CERT1: variants seen among roughly 807,000 people sequenced by gnomAD.
CERT1 encodes the protein ceramide transporter 1, also known as ceramide transfer protein.
A neutral mutation model predicts 87.9 loss-of-function variants in CERT1; 31 were observed. The ratio of observed to expected loss-of-function variants is 0.35; its 90% CI spans 0.27 to 0.48. The LOEUF (loss-of-function observed/expected upper bound fraction) is 0.48. Ranked by LOEUF, CERT1 falls within the 20% of genes least tolerant of loss-of-function variation. The pLI, the probability that CERT1 is intolerant of heterozygous loss-of-function variation, is 0.99. For synonymous variants in CERT1, 289 were observed against 250.9 expected, an observed-to-expected ratio of 1.15 and a Z score of -1.44; for missense variants, 487 against 758.0, an observed-to-expected ratio of 0.64 and a Z score of 4.20.
At chr5:75,464,815 C>T (rs1765392372) in intron 2 of CERT1, among the ~76,000 whole-genome samples, 1 of 152,144 alleles carries the variant, frequency 6.6e-6, no homozygotes, top group Non-Finnish European at 1.5e-5. Context: ...TGGACTCACA[C>T]AACCCATCTG....
intron 2 of CERT1, among the ~76,000 whole-genome samples, chr5:75,499,485 C>T (rs563470549): frequency 6.6e-6 from 1 of 152,218 alleles, no homozygotes; most frequent in Admixed American, 6.5e-5. Flanking sequence ...TCTCCTGCCG[C>T]CCTGGGAAGA....
chr5:75,381,801 T>C (rs1022703607), intron 15 of CERT1, 148 bp downstream of exon 15: 16 of 742,298 alleles, frequency 2.2e-5, no homozygotes, highest in African/African-American at 1.8e-4. Flanking sequence ...ACATGGGCTA[T>C]ACTGTTCCTA....
intron 2 of CERT1, among the ~76,000 whole-genome samples, chr5:75,504,751 CT>C (rs558482615): frequency 0.2 from 26,269 of 131,406 alleles, 2,037 homozygotes; most frequent in South Asian, 0.37. Flanking sequence ...TTAGCCAACA[CT>C]TTTTTTTTTT....
intron 2 of CERT1, among the ~76,000 whole-genome samples, chr5:75,469,572 T>C (rs1436548366): frequency 2.0e-5 from 3 of 151,966 alleles, no homozygotes; most frequent in Non-Finnish European, 4.4e-5. Flanking sequence ...GTAAACCTTA[T>C]GGTAATCACA....
intron 7 of CERT1, among the ~76,000 whole-genome samples, chr5:75,412,834 C>T (rs1288709401): frequency 1.3e-5 from 2 of 152,118 alleles, no homozygotes; most frequent in Non-Finnish European, 2.9e-5. Flanking sequence ...AATGTGAAGG[C>T]GTAGGACATT....
chr5:75,477,950 TAC>T (rs1333395184), intron 2 of CERT1, among the ~76,000 whole-genome samples: 2 of 152,142 alleles, frequency 1.3e-5, no homozygotes, highest in Non-Finnish European at 2.9e-5. Context: ...GGCAGATTGA[TAC>T]ATTCATCTTG....
intron 3 of CERT1, among the ~76,000 whole-genome samples, chr5:75,456,785 A>G (rs1280344849): frequency 6.6e-6 from 1 of 152,056 alleles, no homozygotes; most frequent in African/African-American, 2.4e-5. Context: ...CTTAAGTCCC[A>G]CTGCTCTGAG....
At chr5:75,412,586 C>T (rs1299456392) in intron 7 of CERT1, among the ~76,000 whole-genome samples, 11 of 152,116 alleles carry the variant, frequency 7.2e-5, no homozygotes, top group Non-Finnish European at 8.8e-5. Flanking sequence ...CTTATATAAA[C>T]CTAGATGGTA....
intron 2 of CERT1, among the ~76,000 whole-genome samples, chr5:75,503,278 G>GT (rs1351785734): frequency 6.6e-6 from 1 of 151,770 alleles, no homozygotes; most frequent in Non-Finnish European, 1.5e-5. Flanking sequence ...TTCTTTGTAC[G>GT]TGAATATTAT....
At chr5:75,374,462 G>A (rs1362741123), downstream of CERT1, 2 of 718,022 alleles carry the variant, frequency 2.8e-6, no homozygotes, top group Non-Finnish European at 5.1e-6. Context: ...AGGCCTCCAA[G>A]ATGACAAAGA....
chr5:75,430,604 T>C (rs1249223497), intron 3 of CERT1, among the ~76,000 whole-genome samples: 2 of 152,064 alleles, frequency 1.3e-5, no homozygotes, highest in African/African-American at 4.8e-5. Flanking sequence ...AACTGTACAA[T>C]TAAAATGGGT....
rs541637992 is a variant in CERT1, at chr5:75,490,827, T to C, written c.231+15155A>G. On this transcript the variant is annotated intron_variant, in intron 2 of 16. Transcript: ENST00000643780. ...TTTTCATTTGACTCTATTTTCAGTA[T>C]CTGGTAACTTTTTTTCTTCATTTAA... is the stretch of plus-strand genomic sequence containing the variant. Among the ~76,000 whole-genome samples, 35 of 152,282 alleles carry C rather than the reference T, an allele frequency of 2.3e-4. No homozygotes were observed. The South Asian group carries it at 6.2e-3, about 27-fold the overall frequency.
rs536744878 is a variant in CERT1, at chr5:75,458,838, C to T, written c.348+227G>A. ...GTGCTGGGAATACAGGCGTGAGCCACCATGCCCAGCCGAGTAATATTTATC... is the reference window on the plus strand; with the variant it reads ...GTGCTGGGAATACAGGCGTGAGCCATCATGCCCAGCCGAGTAATATTTATC... On this transcript the variant is annotated intron_variant, in intron 3 of 16. Transcript: ENST00000643780. 5.3e-5 allele frequency among the ~76,000 whole-genome samples: 8 copies of T among 152,304 alleles called. 1 individual carries two copies. The South Asian group carries it at 1.7e-3, about 32-fold the overall frequency.
At chr5:75,498,477 G>A (rs578196359) in intron 2 of CERT1, among the ~76,000 whole-genome samples, 10 of 152,310 alleles carry the variant, frequency 6.6e-5, no homozygotes, top group Admixed American at 2.6e-4. Flanking sequence ...GGGACCTGGC[G>A]CCCTGTGTCT....
intron 12 of CERT1, among the ~76,000 whole-genome samples, chr5:75,386,985 G>A (rs1021338454): frequency 2.0e-5 from 3 of 151,934 alleles, no homozygotes; most frequent in Non-Finnish European, 4.4e-5. Flanking sequence ...CTCCTGTCTC[G>A]GCTTCCTGAG....
chr5:75,386,419 G>T (rs1761786072), intron 12 of CERT1, among the ~76,000 whole-genome samples: 1 of 152,112 alleles, frequency 6.6e-6, no homozygotes, highest in South Asian at 2.1e-4. Context: ...GTTCAATGCT[G>T]TATCCCCAAC....
intron 7 of CERT1, among the ~76,000 whole-genome samples, chr5:75,416,275 T>G (rs1763130679): frequency 1.3e-5 from 2 of 152,190 alleles, no homozygotes; most frequent in African/African-American, 4.8e-5. Context: ...CTCTAACATT[T>G]TACTATTATT....
At position 75,480,682 on chromosome 5, in the gene CERT1, T is replaced by C. The variant is rs188599647; in HGVS notation, c.232-21501A>G. On this transcript the variant is annotated intron_variant, in intron 2 of 16. Coordinates refer to ENST00000643780, the MANE Select transcript of CERT1 (RefSeq NM_001379029.1). ...CCTTCTCAACATAATCCAAAATTGA[T>C]CATCTGATTTGCCTTCCTCAAGAAG... Among the ~76,000 whole-genome samples the C allele has an allele frequency of 9.6e-4, 146 of 152,300 alleles. 1 individual carries two copies. The highest frequency in any genetic ancestry group is 1.7e-3 in the Non-Finnish European group (117 of 68,020).
chr5:75,397,707 GAATA>G, intron 11 of CERT1, among the ~76,000 whole-genome samples: 1 of 152,132 alleles, frequency 6.6e-6, no homozygotes, highest in African/African-American at 2.4e-5. Context: ...GATTCATTAT[GAATA>G]TGAGTCTCTT....
Sources: allele counts gnomAD v4.1 joint callset (sites outside exome capture counted in the v4.1 genomes callset), GRCh38; gene constraint gnomAD v4.1.1; transcripts MANE v1.5; gene names NCBI Gene and HGNC (gene_info 2026-07-23, HGNC 2026-07-21).